Variants in IMPG1 observed in about 807,000 individuals in gnomAD.
IMPG1 encodes the protein interphotoreceptor matrix proteoglycan 1, also known as interphotoreceptor matrix proteoglycan of 150 kDa.
Under a neutral mutation model 92.0 loss-of-function variants are expected in IMPG1, and 85 were observed. That is an observed-to-expected ratio of 0.92 (90% CI 0.78 to 1.11). IMPG1 has a LOEUF of 1.11. IMPG1 is among the 50% of genes least tolerant of loss of function. The pLI is 0.00. For missense variants in IMPG1, 1,022 were observed against 956.0 expected (o/e 1.07, Z -0.91); for synonymous variants, 367 against 334.1 (o/e 1.10, Z -1.08).
chr6:75,924,693 A>ATATATCAT (rs375540782), intron 15 of IMPG1, among the ~76,000 whole-genome samples: 1,858 of 4,026 alleles, frequency 0.46, 605 homozygotes, highest in Non-Finnish European at 0.49. Flanking sequence ...ATTATATATA[A>ATATATCAT]ATAATTATAT....
intron 12 of IMPG1, among the ~76,000 whole-genome samples, chr6:75,951,943 A>AAAT (rs5877467): frequency 2.4e-4 from 36 of 150,574 alleles, no homozygotes; most frequent in Non-Finnish European, 3.2e-4. Flanking sequence ...CTCTGTCTCA[A>AAAT]AATAATAATA....
At chr6:76,057,274 C>T (rs1366812024) in intron 1 of IMPG1, among the ~76,000 whole-genome samples, 2 of 152,084 alleles carry the variant, frequency 1.3e-5, no homozygotes, top group Non-Finnish European at 2.9e-5. Flanking sequence ...CCTGAATATC[C>T]TGCACATGTG....
intron 1 of IMPG1, among the ~76,000 whole-genome samples, chr6:76,068,116 A>G (rs539925054): frequency 6.6e-6 from 1 of 152,194 alleles, no homozygotes; most frequent in Non-Finnish European, 1.5e-5. Context: ...GCATACCCCT[A>G]AGAACTGGAA....
At chr6:75,932,929 G>T (rs1781688198) in intron 14 of IMPG1, among the ~76,000 whole-genome samples, 1 of 152,118 alleles carries the variant, frequency 6.6e-6, no homozygotes, top group African/African-American at 2.4e-5. Flanking sequence ...TCGAACTCCT[G>T]ACCTCAGGTG....
At chr6:76,027,244 G>A (rs1783557891) in intron 4 of IMPG1, among the ~76,000 whole-genome samples, 1 of 152,202 alleles carries the variant, frequency 6.6e-6, no homozygotes, top group South Asian at 2.1e-4. Context: ...TAAGTGTTTT[G>A]AGGTTATAAA....
chr6:75,958,046 G>A (rs1341843913), intron 12 of IMPG1, among the ~76,000 whole-genome samples: 2 of 152,188 alleles, frequency 1.3e-5, no homozygotes, highest in East Asian at 1.9e-4. Flanking sequence ...GCTGTTACCA[G>A]TTGTTCCTTT....
At chr6:75,935,043 G>A in intron 14 of IMPG1, 1 of 470,170 alleles carries the variant, frequency 2.1e-6, no homozygotes, top group South Asian at 1.6e-5. Context: ...GTCCCGTTGG[G>A]TCTCTCTTTC....
chr6:75,966,937 T>A (rs2794287), intron 12 of IMPG1, among the ~76,000 whole-genome samples: 1 of 152,182 alleles, frequency 6.6e-6, no homozygotes, highest in Non-Finnish European at 1.5e-5. Context: ...CAGCACTTTG[T>A]GAGGCCGAGG....
intron 12 of IMPG1, among the ~76,000 whole-genome samples, chr6:75,990,490 A>G (rs1318711406): frequency 2.0e-5 from 3 of 151,924 alleles, no homozygotes; most frequent in African/African-American, 4.8e-5. Flanking sequence ...ATGGTGGTTC[A>G]TGTCTATAAT....
chr6:76,051,811 A>G (rs759842623), intron 1 of IMPG1, among the ~76,000 whole-genome samples: 5 of 152,256 alleles, frequency 3.3e-5, no homozygotes, highest in Non-Finnish European at 5.9e-5. Context: ...GAGTGGTTGC[A>G]TTATTTTTTC....
At chr6:75,991,826 T>C (rs1466148720) in intron 12 of IMPG1, among the ~76,000 whole-genome samples, 1 of 152,222 alleles carries the variant, frequency 6.6e-6, no homozygotes, top group African/African-American at 2.4e-5. Context: ...GACTTGATTT[T>C]GTCTGTTCCA....
rs1448534328 is a variant in IMPG1, at chr6:75,924,432, ATATAAT to A, written c.2244-732_2244-727del. On this transcript the variant is annotated intron_variant, in intron 15 of 16. Coordinates refer to ENST00000369950, the MANE Select transcript of IMPG1 (RefSeq NM_001563.4). ...TATAATTATATATAATATATAATTA[ATATAAT>A]TATATAATATAACATAATTATATAA... Among the ~76,000 whole-genome samples the A allele has an allele frequency of 7.4e-4, 85 of 114,598 alleles. 2 individuals carry two copies. The highest frequency in any genetic ancestry group is 2.9e-3 in the Admixed American group (21 of 7,314). 75.2% of individuals were successfully genotyped at this position (114,598 alleles called of 152,430 possible).
chr6:76,050,452 T>G (rs1335249247), intron 1 of IMPG1, among the ~76,000 whole-genome samples: 1 of 151,802 alleles, frequency 6.6e-6, no homozygotes, highest in Non-Finnish European at 1.5e-5. Context: ...AAAAAAAAAT[T>G]AGGTTTGGAT....
intron 7 of IMPG1, among the ~76,000 whole-genome samples, chr6:76,012,724 T>C (rs746064865): frequency 6.6e-6 from 1 of 152,202 alleles, no homozygotes; most frequent in Non-Finnish European, 1.5e-5. Context: ...CCGGGGGATA[T>C]CATTTTCTCC....
chr6:75,927,685 C>A (rs1046256379), intron 15 of IMPG1, among the ~76,000 whole-genome samples: 8 of 151,970 alleles, frequency 5.3e-5, no homozygotes, highest in Non-Finnish European at 1.0e-4. Flanking sequence ...AAGGGCATTT[C>A]TCCCTTCTTC....
chr6:75,946,089 T>C (rs1279139129), intron 14 of IMPG1, among the ~76,000 whole-genome samples: 1 of 152,242 alleles, frequency 6.6e-6, no homozygotes, highest in Non-Finnish European at 1.5e-5. Context: ...CCTGGTTCCT[T>C]TTCAGTTCTG....
intron 15 of IMPG1, among the ~76,000 whole-genome samples, chr6:75,924,644 AT>A (rs1781504784): frequency 2.2e-4 from 2 of 8,994 alleles, no homozygotes; most frequent in East Asian, 8.3e-3. Context: ...ATTATATATA[AT>A]TAATTATATA....
chr6:76,003,434 T>C (rs1783035403), intron 11 of IMPG1, among the ~76,000 whole-genome samples: 1 of 152,218 alleles, frequency 6.6e-6, no homozygotes, highest in African/African-American at 2.4e-5. Context: ...AAGACATTAA[T>C]TTGTATTTAT....
chr6:75,978,829 A>G (rs1043061162), intron 12 of IMPG1, among the ~76,000 whole-genome samples: 3 of 152,250 alleles, frequency 2.0e-5, no homozygotes, highest in African/African-American at 4.8e-5. Flanking sequence ...GGTGTACATT[A>G]TACCTAAATG....
Sources: gnomAD v4.1 joint callset for allele counts (sites outside exome capture counted in the v4.1 genomes callset) on GRCh38, gnomAD v4.1.1 for gene constraint, MANE v1.5 for transcripts, NCBI Gene and HGNC (gene_info 2026-07-23, HGNC 2026-07-21) for gene names.